Variants in PKHD1L1 observed in about 807,000 individuals in gnomAD.
The protein encoded by PKHD1L1 is PKHD1 like 1, also known as fibrocystin-L.
A neutral mutation model predicts 462.9 loss-of-function variants in PKHD1L1; 434 were observed. The ratio of observed to expected loss-of-function variants is 0.94; its 90% CI spans 0.87 to 1.02. The LOEUF is 1.02. Among genes scored for constraint, PKHD1L1 ranks in the 50% least tolerant of loss-of-function variants. The pLI, the probability that PKHD1L1 is intolerant of heterozygous loss-of-function variation, is 0.00. For synonymous variants in PKHD1L1, 1,781 were observed against 1,750.0 expected (o/e 1.02, Z -0.44); for missense variants, 5,202 against 5,096.1 (o/e 1.02, Z -0.63).
At chr8:109,502,550 A>C (rs1209755555) in intron 67 of PKHD1L1, among the ~76,000 whole-genome samples, 1 of 152,200 alleles carries the variant, frequency 6.6e-6, no homozygotes, top group Non-Finnish European at 1.5e-5. Context: ...CCTTTGATGT[A>C]GGGGATTTGG....
At chr8:109,467,777 A>G (rs1586576174) in intron 50 of PKHD1L1, among the ~76,000 whole-genome samples, 1 of 152,198 alleles carries the variant, frequency 6.6e-6, no homozygotes, top group African/African-American at 2.4e-5. Context: ...GATTTGCTAA[A>G]CAAAATCTTT....
intron 76 of PKHD1L1, among the ~76,000 whole-genome samples, chr8:109,525,244 G>A (rs1458397449): frequency 6.6e-6 from 1 of 152,104 alleles, no homozygotes; most frequent in Non-Finnish European, 1.5e-5. Context: ...ACAGGTTGTG[G>A]TTTCTAACAC....
intron 4 of PKHD1L1, 55 bp from the exon 5 acceptor site, chr8:109,384,015 A>C: frequency 8.2e-7 from 1 of 1,215,424 alleles, no homozygotes; most frequent in African/African-American, 1.5e-5. Context: ...TCTATTTCAC[A>C]AAACTAGAAA....
chr8:109,410,805 T>C (rs1454850086), intron 19 of PKHD1L1, among the ~76,000 whole-genome samples: 1 of 144,298 alleles, frequency 6.9e-6, no homozygotes, highest in Non-Finnish European at 1.5e-5. Flanking sequence ...CTTGGCTCAC[T>C]GCAACCTCCA....
chr8:109,381,602 C>T (rs1478564251), intron 3 of PKHD1L1, 88 bp downstream of exon 3: 4 of 981,144 alleles, frequency 4.1e-6, no homozygotes, highest in Non-Finnish European at 1.4e-6. Context: ...GTTTTATTAC[C>T]CTGGCTATTA....
At chr8:109,393,225 A>G (rs1812795096) in intron 9 of PKHD1L1, among the ~76,000 whole-genome samples, 1 of 151,996 alleles carries the variant, frequency 6.6e-6, no homozygotes, top group Non-Finnish European at 1.5e-5. Context: ...TAGTCTTGCA[A>G]ATGAACATGG....
intron 76 of PKHD1L1, 33 bp from the exon 77 acceptor site, chr8:109,526,751 G>A (rs370360215): frequency 4.0e-6 from 6 of 1,503,384 alleles, no homozygotes; most frequent in Non-Finnish European, 4.5e-6. Flanking sequence ...AAACATAAAG[G>A]AAATCAAACA....
At position 109,489,989 on chromosome 8, in the gene PKHD1L1, T is replaced by C. The variant is rs896388429; in HGVS notation, c.9918T>C (p.Ser3306=). The change falls in exon 60 of 78, where the codon AGT becomes AGC. Residue 3306 remains serine, a synonymous_variant. Transcript: ENST00000378402. ...TAAGTAATGTGGAATTTTATCACAG[T>C]GGTCAAGAAGGCTTCAGGGATAGCA... is the stretch of plus-strand genomic sequence containing the variant. ...ARISNVEFYH[S]GQEGFRDSTD... The C allele has an allele frequency of 1.9e-6, 3 of 1,608,726 alleles. No homozygotes were observed. The highest frequency in any genetic ancestry group is 2.6e-6 in the Non-Finnish European group (3 of 1,176,012).
Position 109,454,720 on chromosome 8 carries a change from C to G in PKHD1L1, c.6745-3C>G, listed in dbSNP as rs750923603. The stretch of plus-strand genomic sequence containing the variant: ...TGAATGGCATTTGTGACATCTTTTG[C>G]AGATTGGAACAGAGACATCCCCATT... On this transcript the variant is annotated splice_polypyrimidine_tract_variant and splice_region_variant and intron_variant, in intron 44 of 77. Coordinates refer to ENST00000378402, the MANE Select transcript of PKHD1L1 (RefSeq NM_177531.6). 1.2e-6 allele frequency: 2 copies of G among 1,611,868 alleles called. No homozygotes were observed. The highest frequency in any genetic ancestry group is 2.7e-5 in the African/African-American group (2 of 74,802).
Position 109,530,157 on chromosome 8 carries a change from G to A in PKHD1L1, c.*67G>A. The stretch of plus-strand genomic sequence containing the variant: ...TTATTAGCTACTTTGTTGGGCAATA[G>A]GCAAAAGTCTATAGCATTTTCATGA... On this transcript the variant is annotated 3_prime_UTR_variant, in exon 78 of 78. Coordinates refer to ENST00000378402, the MANE Select transcript of PKHD1L1 (RefSeq NM_177531.6). The A allele has an allele frequency of 4.0e-6, 4 of 992,808 alleles. No homozygotes were observed. Among genetic ancestry groups the A allele is most frequent in the Non-Finnish European group, 5.5e-6 (4 of 728,574 alleles). 61.5% of individuals were successfully genotyped at this position (992,808 alleles called of 1,614,324 possible). A position where few individuals can be genotyped will look rare whatever the true frequency, so the allele number is the denominator to read the frequency against.
chr8:109,443,153 T>A, intron 36 of PKHD1L1, 37 bp downstream of exon 36: 1 of 1,591,130 alleles, frequency 6.3e-7, no homozygotes, highest in Non-Finnish European at 8.6e-7. Flanking sequence ...GTTACACAGG[T>A]GACCCAGGGT....
chr8:109,526,879 A>G lies in PKHD1L1; in HGVS notation c.12580A>G (p.Ser4194Gly). 1.9e-6 allele frequency: 3 copies of G among 1,586,440 alleles called. No individual in the cohort carries two copies. The highest frequency in any genetic ancestry group is 1.7e-6 in the Non-Finnish European group (2 of 1,163,988). Residue 4194 changes from serine (S) to glycine (G), a missense_variant, in exon 77 of 78, where the codon AGC becomes GGC. Physicochemically the swap from Ser to Gly is moderately conservative, Grantham distance 56. Transcript: ENST00000378402. ...LLAESVSSSGSSSSSNSKAST... is the reference protein window; with the variant it reads ...LLAESVSSSGGSSSSNSKAST... The stretch of plus-strand genomic sequence containing the variant: ...GGCAGAGTCTGTCTCTAGCAGTGGC[A>G]GCAGCAGCAGCAGCAACAGCAAAGC...
At chr8:109,465,385 G>T (rs1817384849) in intron 49 of PKHD1L1, 140 bp downstream of exon 49, 1 of 914,092 alleles carries the variant, frequency 1.1e-6, no homozygotes, top group African/African-American at 1.7e-5. Flanking sequence ...AAATGATAGA[G>T]GCAAGCACCA....
chr8:109,505,929 G>A (rs2130970641), intron 68 of PKHD1L1, among the ~76,000 whole-genome samples: 2 of 152,154 alleles, frequency 1.3e-5, no homozygotes, highest in Middle Eastern at 3.4e-3. Flanking sequence ...CACCTCTTCA[G>A]ATAAATATAA....
Position 109,449,450 on chromosome 8 carries a change from T to C in PKHD1L1, c.6138T>C (p.Asp2046=), listed in dbSNP as rs1816359035. The C allele has an allele frequency of 1.9e-6, 3 of 1,600,600 alleles. No individual in the cohort carries two copies. Among genetic ancestry groups the C allele is most frequent in the Non-Finnish European group, 2.6e-6 (3 of 1,172,756 alleles). ...SECAIDRLRS[D]YTTLLCEIPS... ...GTGCAATTGACAGGCTTAGATCTGATTACACAACACTATTATGTGAAATTC... is the reference window on the plus strand; with the variant it reads ...GTGCAATTGACAGGCTTAGATCTGACTACACAACACTATTATGTGAAATTC... The change falls in exon 40 of 78, where the codon GAT becomes GAC. Residue 2046 remains aspartate, a synonymous_variant. Coordinates refer to ENST00000378402, the MANE Select transcript of PKHD1L1 (RefSeq NM_177531.6).
intron 21 of PKHD1L1, among the ~76,000 whole-genome samples, chr8:109,416,529 T>C (rs192013091): frequency 6.6e-6 from 1 of 152,354 alleles, no homozygotes; most frequent in African/African-American, 2.4e-5. Context: ...AAAAACATGT[T>C]GCATCCCCCA....
At chr8:109,479,478 G>A (rs1285889115) in intron 53 of PKHD1L1, 73 bp from the exon 54 acceptor site, 8 of 1,011,312 alleles carry the variant, frequency 7.9e-6, no homozygotes, top group African/African-American at 4.9e-5. Context: ...GAAATGGAAC[G>A]GTTTACATTT....
In PKHD1L1 at chr8:109,487,885, AG is replaced by A. The variant is rs1202118077; in HGVS notation, c.9880+1065del. Among the ~76,000 whole-genome samples, 21 of 71,114 alleles carry A rather than the reference AG, an allele frequency of 3.0e-4. No individual in the cohort carries two copies. The South Asian group carries it at 9.0e-3, about 31-fold the overall frequency. The allele number at this position is 71,114 out of a possible 152,430, so 46.7% of individuals were successfully genotyped here. A position where few individuals can be genotyped will look rare whatever the true frequency, so the allele number is the denominator to read the frequency against. On this transcript the variant is annotated intron_variant, in intron 59 of 77. Transcript: ENST00000378402. Reference sequence around the variant, plus strand: ...GAGAAAGACAGAGAGAAAGAGAGAGAGAGAGAGGAAGGAAGGAAGGAAGGAA... The same window carrying A: ...GAGAAAGACAGAGAGAAAGAGAGAGAAGAGAGGAAGGAAGGAAGGAAGGAA...
chr8:109,453,068 A>G (rs188931186), intron 43 of PKHD1L1, among the ~76,000 whole-genome samples, 194 bp downstream of exon 43: 12 of 152,312 alleles, frequency 7.9e-5, no homozygotes, highest in Non-Finnish European at 1.2e-4. Flanking sequence ...TGCAGCCAGC[A>G]TTTTAAAAAT....
Sources: gnomAD v4.1 joint callset for allele counts (sites outside exome capture counted in the v4.1 genomes callset) on GRCh38, gnomAD v4.1.1 for gene constraint, MANE v1.5 for transcripts, NCBI Gene and HGNC (gene_info 2026-07-23, HGNC 2026-07-21) for gene names.